Variants in INPP5A observed in about 807,000 individuals in gnomAD.
INPP5A encodes the protein 43 kDa inositol polyphosphate 5-phophatase.
A neutral mutation model predicts 65.2 loss-of-function variants in INPP5A; 14 were observed. The observed-to-expected ratio is 0.21, with a 90% CI of 0.14 to 0.34. INPP5A has a LOEUF of 0.34. Ranked by LOEUF, INPP5A falls within the 10% of genes least tolerant of loss-of-function variation. The pLI is 1.00. For synonymous variants in INPP5A, 207 were observed against 208.3 expected, an observed-to-expected ratio of 0.99 and a Z score of 0.05; for missense variants, 431 against 545.6, an observed-to-expected ratio of 0.79 and a Z score of 2.09.
chr10:132,770,556 C>T (rs976401335), intron 12 of INPP5A, among the ~76,000 whole-genome samples: 11 of 150,204 alleles, frequency 7.3e-5, no homozygotes, highest in African/African-American at 2.8e-4. Flanking sequence ...TCGAAATGGC[C>T]CCGCAGAGCC....
chr10:132,724,925 G>A (rs773393050), intron 8 of INPP5A, among the ~76,000 whole-genome samples: 1 of 139,938 alleles, frequency 7.1e-6, no homozygotes, highest in Non-Finnish European at 1.5e-5. Context: ...CCACAGACGG[G>A]GATCACTCTC....
intron 4 of INPP5A, among the ~76,000 whole-genome samples, chr10:132,670,843 C>CTTTT (rs11289296): frequency 1.8e-4 from 21 of 116,994 alleles, no homozygotes; most frequent in South Asian, 3.1e-4. Context: ...GTCTTTCTTT[C>CTTTT]TTTTTTTTTT....
Position 132,708,370 on chromosome 10 carries a change from G to T in INPP5A, c.527+5G>T. The T allele has an allele frequency of 6.2e-7, 1 of 1,613,308 alleles. No individual in the cohort carries two copies. Among genetic ancestry groups the T allele is most frequent in the Non-Finnish European group, 8.5e-7 (1 of 1,179,234 alleles). On this transcript the variant is annotated splice_donor_5th_base_variant and intron_variant, in intron 7 of 15. Transcript: ENST00000368594. ...GAGGTGGTGCATTGCAGACTGGTAC[G>T]TGGTGTCTGTGCTTTGTCAATTTCC...
intron 8 of INPP5A, among the ~76,000 whole-genome samples, chr10:132,722,356 C>T (rs1045494918): frequency 2.0e-5 from 3 of 152,194 alleles, no homozygotes; most frequent in African/African-American, 7.2e-5. Flanking sequence ...GAATGTCTCA[C>T]GGCCAGTTTG....
At chr10:132,746,337 G>C (rs1490076971) in intron 9 of INPP5A, among the ~76,000 whole-genome samples, 3 of 152,254 alleles carry the variant, frequency 2.0e-5, no homozygotes, top group Admixed American at 6.5e-5. Flanking sequence ...CTTTAGTAGA[G>C]TTTTGGATTT....
intron 1 of INPP5A, among the ~76,000 whole-genome samples, chr10:132,553,212 C>T (rs1290762954): frequency 1.0e-4 from 10 of 95,344 alleles, no homozygotes; most frequent in African/African-American, 2.6e-4. Context: ...GATTGGTGAA[C>T]GCCTTCTCAG....
chr10:132,683,357 T>G (rs1188029368), intron 4 of INPP5A, among the ~76,000 whole-genome samples: 1 of 152,160 alleles, frequency 6.6e-6, no homozygotes, highest in East Asian at 1.9e-4. Flanking sequence ...CTGTGTATTA[T>G]ATACATATGC....
chr10:132,720,253 G>T (rs1845842020), intron 8 of INPP5A, among the ~76,000 whole-genome samples: 2 of 150,940 alleles, frequency 1.3e-5, no homozygotes. Flanking sequence ...TGTCTTGCGG[G>T]TTCTGTGGTG....
chr10:132,608,195 G>A (rs1434819827), intron 2 of INPP5A, among the ~76,000 whole-genome samples: 2 of 152,206 alleles, frequency 1.3e-5, no homozygotes, highest in Non-Finnish European at 2.9e-5. Context: ...TTCACATTCC[G>A]GCTCCCTCCC....
At chr10:132,683,606 T>C (rs1336012112) in intron 4 of INPP5A, among the ~76,000 whole-genome samples, 11 of 152,248 alleles carry the variant, frequency 7.2e-5, no homozygotes, top group Admixed American at 7.2e-4. Flanking sequence ...CTGACACACT[T>C]GCTCAGTAAC....
intron 4 of INPP5A, among the ~76,000 whole-genome samples, chr10:132,687,838 C>G (rs560011522): frequency 9.1e-4 from 139 of 152,366 alleles, no homozygotes; most frequent in African/African-American, 3.1e-3. Context: ...CCCCACCAGA[C>G]GCAGCAGAGA....
intron 9 of INPP5A, among the ~76,000 whole-genome samples, chr10:132,744,664 G>A (rs1444363803): frequency 6.6e-6 from 1 of 152,170 alleles, no homozygotes; most frequent in Non-Finnish European, 1.5e-5. Context: ...GGCAACGTTG[G>A]CTTTGTGGTT....
chr10:132,642,801 C>G (rs1006881262), intron 2 of INPP5A, among the ~76,000 whole-genome samples: 1 of 152,142 alleles, frequency 6.6e-6, no homozygotes, highest in Non-Finnish European at 1.5e-5. Flanking sequence ...GAGGGGCGGC[C>G]GCACGTGGGG....
intron 1 of INPP5A, among the ~76,000 whole-genome samples, chr10:132,541,029 C>T (rs941546396): frequency 6.8e-6 from 1 of 147,106 alleles, no homozygotes; most frequent in African/African-American, 2.5e-5. Flanking sequence ...CTCATTCTGT[C>T]GCCCAGGCTA....
At chr10:132,559,870 C>T (rs978929590) in intron 1 of INPP5A, among the ~76,000 whole-genome samples, 1 of 152,246 alleles carries the variant, frequency 6.6e-6, no homozygotes, top group Admixed American at 6.5e-5. Context: ...GCGGAGATCA[C>T]ATTTCATGTA....
At chr10:132,726,231 C>T (rs1845981685) in intron 8 of INPP5A, among the ~76,000 whole-genome samples, 1 of 152,240 alleles carries the variant, frequency 6.6e-6, no homozygotes, top group Non-Finnish European at 1.5e-5. Context: ...CTGTTACCCT[C>T]TCACTTTGAA....
At position 132,627,213 on chromosome 10, in the gene INPP5A, G is replaced by T. The variant is rs542315076; in HGVS notation, c.118-18655G>T. On this transcript the variant is annotated intron_variant, in intron 2 of 15. Coordinates refer to ENST00000368594, the MANE Select transcript of INPP5A (RefSeq NM_005539.5). This position sits in a 1 kb window ranked among gnomAD's most constrained non-coding sequence, Gnocchi z 6.6. ...ACAGCTCCAGAACTGGGAGAAATAC[G>T]TGTCTCGTTTAGGCTCTCTGGTCTG... is the stretch of plus-strand genomic sequence containing the variant. Among the ~76,000 whole-genome samples the T allele has an allele frequency of 6.6e-6, 1 of 152,322 alleles. No individual in the cohort carries two copies. The highest frequency in any genetic ancestry group is 1.5e-5 in the Non-Finnish European group (1 of 68,028).
rs1251689639 is a variant in INPP5A, at chr10:132,705,960, CTT to C, written c.475-2351_475-2350del. ...TGATTTCTTGGGAAAAGCTGACAGACTTTAAGTATGTTTAAATTGCTCAAAGA... is the reference window on the plus strand; with the variant it reads ...TGATTTCTTGGGAAAAGCTGACAGACTAAGTATGTTTAAATTGCTCAAAGA... On this transcript the variant is annotated intron_variant, in intron 6 of 15. Coordinates refer to ENST00000368594, the MANE Select transcript of INPP5A (RefSeq NM_005539.5). This position sits in a 1 kb window ranked among gnomAD's most constrained non-coding sequence, Gnocchi z 4.9. Among the ~76,000 whole-genome samples the C allele has an allele frequency of 1.3e-5, 2 of 152,166 alleles. No homozygotes were observed. Among genetic ancestry groups the C allele is most frequent in the African/African-American group, 4.8e-5 (2 of 41,420 alleles).
In INPP5A at chr10:132,762,508, A is replaced by G. The variant is rs961998221; in HGVS notation, c.904-3265A>G. 6.6e-6 allele frequency among the ~76,000 whole-genome samples: 1 copy of G among 152,186 alleles called. No homozygotes were observed. Among genetic ancestry groups the G allele is most frequent in the Non-Finnish European group, 1.5e-5 (1 of 68,036 alleles). On this transcript the variant is annotated intron_variant, in intron 11 of 15. Coordinates refer to ENST00000368594, the MANE Select transcript of INPP5A (RefSeq NM_005539.5). The surrounding 1 kb of genome is among the most constrained non-coding windows in gnomAD (Gnocchi z 4.6). ...TTAGAGTTCTCTCAGCAGCCAAGTC[A>G]GCCTTCAGAACACTGGCCACCATAA...
Sources: allele counts gnomAD v4.1 joint callset (sites outside exome capture counted in the v4.1 genomes callset), GRCh38; gene constraint gnomAD v4.1.1; non-coding constraint Gnocchi (gnomAD v3.1); transcripts MANE v1.5; gene names NCBI Gene and HGNC (gene_info 2026-07-23, HGNC 2026-07-21).